SRPK2: variants seen among roughly 807,000 people sequenced by gnomAD.
SRPK2 encodes the protein SRSF protein kinase 2.
SRPK2 carries 21 observed loss-of-function variants against 90.8 expected under a neutral mutation model. The observed-to-expected ratio is 0.23, with a 90% CI of 0.16 to 0.33. The LOEUF is 0.33. Among genes scored for constraint, SRPK2 ranks in the 10% least tolerant of loss-of-function variants. SRPK2 has a pLI of 1.00. For synonymous variants in SRPK2, 288 were observed against 311.1 expected, an observed-to-expected ratio of 0.93 and a Z score of 0.78; for missense variants, 620 against 869.0, an observed-to-expected ratio of 0.71 and a Z score of 3.60.
chr7:105,314,735 T>A (rs1812125650), intron 2 of SRPK2, among the ~76,000 whole-genome samples: 1 of 152,190 alleles, frequency 6.6e-6, no homozygotes, highest in Non-Finnish European at 1.5e-5. Flanking sequence ...AATCTAGAAG[T>A]TAATGTTCTA....
At chr7:105,293,946 C>T (rs1809431245) in intron 2 of SRPK2, among the ~76,000 whole-genome samples, 1 of 152,168 alleles carries the variant, frequency 6.6e-6, no homozygotes, top group Admixed American at 6.6e-5. Flanking sequence ...TCTTTTCCAG[C>T]CAGGCTACAC....
At position 105,368,582 on chromosome 7, in the gene SRPK2, C is replaced by T. The variant is rs190869002; in HGVS notation, c.71+20066G>A. Among the ~76,000 whole-genome samples the T allele has an allele frequency of 3.5e-4, 53 of 152,204 alleles. 1 individual carries two copies. Among genetic ancestry groups the T allele is most frequent in the African/African-American group, 1.1e-3 (46 of 41,542 alleles). ...GCTAAGGCACTAAAAAGATAAGTGA[C>T]TTTCATCAAGAGCCACGCTCTGCTG... On this transcript the variant is annotated intron_variant, in intron 2 of 15. Transcript: ENST00000393651.
At chr7:105,347,870 AAG>A in intron 2 of SRPK2, among the ~76,000 whole-genome samples, 1 of 151,830 alleles carries the variant, frequency 6.6e-6, no homozygotes, top group African/African-American at 2.4e-5. Context: ...AAAAAAAAAA[AAG>A]AAAGAAAAGC....
At chr7:105,134,350 C>T (rs1160549128) in intron 11 of SRPK2, among the ~76,000 whole-genome samples, 1 of 152,194 alleles carries the variant, frequency 6.6e-6, no homozygotes, top group African/African-American at 2.4e-5. Context: ...CCCTTCTCTC[C>T]TCCTCCTGCT....
At chr7:105,380,462 T>C (rs1370773474) in intron 2 of SRPK2, among the ~76,000 whole-genome samples, 2 of 151,598 alleles carry the variant, frequency 1.3e-5, no homozygotes, top group African/African-American at 2.4e-5. Context: ...AACAAAACCA[T>C]GCACAAGTAA....
intron 2 of SRPK2, among the ~76,000 whole-genome samples, chr7:105,243,766 A>G (rs757977670): frequency 9.2e-5 from 14 of 152,228 alleles, no homozygotes; most frequent in Non-Finnish European, 1.9e-4. Context: ...TTTCAGTTAC[A>G]AAGATGTTAT....
chr7:105,276,914 C>T (rs1017308646), intron 2 of SRPK2, among the ~76,000 whole-genome samples: 8 of 152,144 alleles, frequency 5.3e-5, no homozygotes, highest in Non-Finnish European at 7.3e-5. Flanking sequence ...TGGTTCTCCA[C>T]CTTAATGCTC....
At chr7:105,367,307 G>A (rs1380649125) in intron 2 of SRPK2, among the ~76,000 whole-genome samples, 47 of 152,072 alleles carry the variant, frequency 3.1e-4, no homozygotes, top group Admixed American at 3.1e-3. Context: ...CTGTCACCCA[G>A]GCTGGAGTGC....
chr7:105,250,628 G>C (rs1288394614), intron 2 of SRPK2, among the ~76,000 whole-genome samples: 2 of 152,158 alleles, frequency 1.3e-5, no homozygotes, highest in South Asian at 2.1e-4. Context: ...ATGGAGCCTT[G>C]TTCTTAGAAA....
At chr7:105,238,943 G>A (rs1800467257) in intron 2 of SRPK2, among the ~76,000 whole-genome samples, 3 of 152,262 alleles carry the variant, frequency 2.0e-5, no homozygotes, top group Admixed American at 2.0e-4. Flanking sequence ...AAGGCAGTAA[G>A]CAAACTTGTG....
intron 7 of SRPK2, among the ~76,000 whole-genome samples, chr7:105,147,378 C>T (rs181230722): frequency 8.0e-4 from 122 of 152,172 alleles, no homozygotes; most frequent in Middle Eastern, 6.8e-3. Flanking sequence ...AGTGCAGTGG[C>T]ACAATCTTGG....
rs117073642 is a variant in SRPK2, at chr7:105,157,897, G to A, written c.621+2610C>T. The stretch of plus-strand genomic sequence containing the variant: ...AGCCTGAGCAACACAGTGAGACCCC[G>A]TCTCTACAAAAAAATAAAAATTAGC... On this transcript the variant is annotated intron_variant, in intron 7 of 15. Transcript: ENST00000393651. 7.4e-3 allele frequency among the ~76,000 whole-genome samples: 1,120 copies of A among 152,018 alleles called. 28 individuals are homozygous for A. The highest frequency in any genetic ancestry group is 0.052 in the Admixed American group (794 of 15,236).
At chr7:105,159,742 T>A (rs578202245) in intron 7 of SRPK2, among the ~76,000 whole-genome samples, 11 of 152,264 alleles carry the variant, frequency 7.2e-5, no homozygotes, top group Non-Finnish European at 1.3e-4. Context: ...TAGCTGAGGG[T>A]TTTCTTCTGG....
chr7:105,221,226 G>A (rs564539961), intron 2 of SRPK2, among the ~76,000 whole-genome samples: 4 of 152,102 alleles, frequency 2.6e-5, no homozygotes, highest in Admixed American at 6.5e-5. Flanking sequence ...GCCATTATAC[G>A]CTTGTCTTTA....
chr7:105,278,080 C>A (rs1383946435), intron 2 of SRPK2, among the ~76,000 whole-genome samples: 1 of 152,134 alleles, frequency 6.6e-6, no homozygotes, highest in Non-Finnish European at 1.5e-5. Context: ...CTTTGGGAGG[C>A]TGAGGCAGGC....
intron 2 of SRPK2, chr7:105,301,460 C>T (rs1810544452): frequency 2.2e-6 from 2 of 919,584 alleles, no homozygotes; most frequent in Non-Finnish European, 3.5e-6. Flanking sequence ...CCGCTGCCCT[C>T]GCTTTGTCTT....
chr7:105,354,965 A>G (rs1277019403), intron 2 of SRPK2, among the ~76,000 whole-genome samples: 1 of 152,162 alleles, frequency 6.6e-6, no homozygotes, highest in African/African-American at 2.4e-5. Flanking sequence ...TGCTTATTCC[A>G]GATATTTGAT....
At chr7:105,124,697 C>A (rs576884519) in intron 15 of SRPK2, among the ~76,000 whole-genome samples, 1 of 137,824 alleles carries the variant, frequency 7.3e-6, no homozygotes, top group East Asian at 2.0e-4. Flanking sequence ...GTAAGGTAGA[C>A]AGAGCATCTG....
At chr7:105,205,197 G>A (rs1000650984) in intron 2 of SRPK2, among the ~76,000 whole-genome samples, 17 of 152,000 alleles carry the variant, frequency 1.1e-4, no homozygotes, top group Admixed American at 9.8e-4. Flanking sequence ...AAACCCATAC[G>A]GCCACAACTG....
Sources: allele counts gnomAD v4.1 joint callset (sites outside exome capture counted in the v4.1 genomes callset), GRCh38; gene constraint gnomAD v4.1.1; transcripts MANE v1.5; gene names NCBI Gene and HGNC (gene_info 2026-07-23, HGNC 2026-07-21).